The following IPO7 variants were observed in gnomAD, a reference collection of about 807,000 sequenced individuals.
IPO7 encodes the protein importin-7.
A neutral mutation model predicts 136.4 loss-of-function variants in IPO7; 13 were observed. That is an observed-to-expected ratio of 0.10 (90% CI 0.06 to 0.15). The LOEUF (loss-of-function observed/expected upper bound fraction) is 0.15, where lower values mean the gene tolerates loss of function less well. IPO7 is among the 10% of genes least tolerant of loss of function. IPO7 has a pLI of 1.00. For synonymous variants in IPO7, 403 were observed against 404.4 expected, an observed-to-expected ratio of 1.00 and a Z score of 0.04; for missense variants, 857 against 1,240.6, an observed-to-expected ratio of 0.69 and a Z score of 4.65.
chr11:9,442,496 CT>C (rs1329885089), intron 24 of IPO7, among the ~76,000 whole-genome samples: 1 of 152,030 alleles, frequency 6.6e-6, no homozygotes, highest in East Asian at 1.9e-4. Flanking sequence ...TCACTGCAAG[CT>C]CTACCTCCCG....
intron 4 of IPO7, among the ~76,000 whole-genome samples, chr11:9,411,351 G>T (rs773701416): frequency 4.5e-4 from 68 of 152,166 alleles, no homozygotes; most frequent in African/African-American, 1.6e-3. Context: ...AATTTTTGGT[G>T]GTCCTCAGGA....
intron 24 of IPO7, 124 bp from the exon 25 acceptor site, chr11:9,444,973 A>C: frequency 4.6e-6 from 3 of 651,886 alleles, no homozygotes. Context: ...TGGAGAAATC[A>C]TGGATTTTGG....
chr11:9,396,240 A>G (rs1854706849), intron 1 of IPO7, among the ~76,000 whole-genome samples: 1 of 151,942 alleles, frequency 6.6e-6, no homozygotes, highest in Admixed American at 6.6e-5. Context: ...CTAAAAATAC[A>G]AAAATTAGCT....
At chr11:9,401,653 T>C (rs1854798558) in intron 1 of IPO7, among the ~76,000 whole-genome samples, 1 of 152,114 alleles carries the variant, frequency 6.6e-6, no homozygotes, top group Admixed American at 6.5e-5. Flanking sequence ...AGGTCTATAA[T>C]GTAAAATGTG....
At chr11:9,426,007 C>G (rs995798112) in intron 12 of IPO7, among the ~76,000 whole-genome samples, 2 of 152,004 alleles carry the variant, frequency 1.3e-5, no homozygotes, top group African/African-American at 4.8e-5. Context: ...GGTCATGCCA[C>G]TGCACTCCAT....
At chr11:9,400,063 A>G (rs1182287152) in intron 1 of IPO7, among the ~76,000 whole-genome samples, 1 of 152,228 alleles carries the variant, frequency 6.6e-6, no homozygotes, top group Non-Finnish European at 1.5e-5. Flanking sequence ...TATAACCTGT[A>G]CACATCCCCT....
Position 9,422,934 on chromosome 11 carries a change from G to GT in IPO7, c.907-67dup, listed in dbSNP as rs11373508. Reference sequence around the variant, plus strand: ...CTTGTCATTAAAATATGTGTTAACTGTTTTTACTGGCTTGTAAGTGGTTGA... The same window carrying GT: ...CTTGTCATTAAAATATGTGTTAACTGTTTTTTACTGGCTTGTAAGTGGTTGA... On this transcript the variant is annotated intron_variant, in intron 8 of 24. Coordinates refer to ENST00000379719, the MANE Select transcript of IPO7 (RefSeq NM_006391.3). 11,199 of 923,150 alleles carry GT rather than the reference G, an allele frequency of 0.012. 636 individuals are homozygous for GT. The African/African-American group carries it at 0.13, about 11-fold the overall frequency. 57.2% of individuals were successfully genotyped at this position (923,150 alleles called of 1,614,324 possible). A position where few individuals can be genotyped will look rare whatever the true frequency, so the allele number is the denominator to read the frequency against.
intron 1 of IPO7, among the ~76,000 whole-genome samples, chr11:9,396,182 G>C (rs1055970194): frequency 1.3e-5 from 2 of 152,030 alleles, no homozygotes; most frequent in African/African-American, 4.8e-5. Flanking sequence ...GACCACTTGA[G>C]GTCAGGAGTT....
Position 9,446,654 on chromosome 11 carries a change from A to G in IPO7, c.*1460A>G, listed in dbSNP as rs752734790. On this transcript the variant is annotated 3_prime_UTR_variant, in exon 25 of 25. Transcript: ENST00000379719. ...GAAAGCAACATCTTAATGGATTCAA[A>G]ACTATTACAAGCTGTTGTCTAAAAC... The G allele has an allele frequency of 6.6e-6, 1 of 152,222 alleles. No individual in the cohort carries two copies. The highest frequency in any genetic ancestry group is 1.5e-5 in the Non-Finnish European group (1 of 68,034). 9.4% of individuals were successfully genotyped at this position (152,222 alleles called of 1,614,324 possible). A position where few individuals can be genotyped will look rare whatever the true frequency, so the allele number is the denominator to read the frequency against.
rs565228445 is a variant in IPO7, at chr11:9,427,217, A to T, written c.1336-1323A>T. Among the ~76,000 whole-genome samples, 4 of 152,304 alleles carry T rather than the reference A, an allele frequency of 2.6e-5. No homozygotes were observed. The South Asian group carries it at 8.3e-4, about 32-fold the overall frequency. ...GTTGTTAGAAATCTTTACATTCTAAAGCCAGGCACTAAGTACTCACAGAAT... is the reference window on the plus strand; with the variant it reads ...GTTGTTAGAAATCTTTACATTCTAATGCCAGGCACTAAGTACTCACAGAAT... On this transcript the variant is annotated intron_variant, in intron 12 of 24. Coordinates refer to ENST00000379719, the MANE Select transcript of IPO7 (RefSeq NM_006391.3).
chr11:9,397,341 A>AAAAAAAAT lies in IPO7; in HGVS notation c.85-5948_85-5947insAAAAAATA. Among the ~76,000 whole-genome samples the AAAAAAAAT allele has an allele frequency of 4.5e-3, 48 of 10,764 alleles. 7 individuals carry two copies. Among genetic ancestry groups the AAAAAAAAT allele is most frequent in the South Asian group, 0.02 (3 of 152 alleles). 7.1% of individuals were successfully genotyped at this position (10,764 alleles called of 152,430 possible). On this transcript the variant is annotated intron_variant, in intron 1 of 24. Coordinates refer to ENST00000379719, the MANE Select transcript of IPO7 (RefSeq NM_006391.3). ...CTTTACTAAAAATAATTTAAAAAAA[A>AAAAAAAAT]ATATATATATATATATATATATATT... is the stretch of plus-strand genomic sequence containing the variant.
At chr11:9,420,579 A>T (rs567287268) in intron 7 of IPO7, 35 bp from the exon 8 acceptor site, 2 of 1,571,754 alleles carry the variant, frequency 1.3e-6, no homozygotes, top group Non-Finnish European at 1.8e-6. Context: ...ATAAAGCATT[A>T]TAAAGAAACA....
chr11:9,407,904 A>G (rs756281425), intron 2 of IPO7, among the ~76,000 whole-genome samples: 3 of 152,220 alleles, frequency 2.0e-5, no homozygotes, highest in Non-Finnish European at 4.4e-5. Flanking sequence ...TCAAATAGCA[A>G]TGTGCAAAGG....
chr11:9,427,050 A>G (rs12800802), intron 12 of IPO7, among the ~76,000 whole-genome samples: 68,543 of 151,728 alleles, frequency 0.45, 17,893 homozygotes, highest in Non-Finnish European at 0.58. Context: ...GGGTTTTGCC[A>G]TGTTGGCCAG....
chr11:9,420,475 C>T lies in IPO7; in HGVS notation c.791C>T (p.Ala264Val). 1 of 1,611,458 alleles carries T rather than the reference C, an allele frequency of 6.2e-7. No homozygotes were observed. The highest frequency in any genetic ancestry group is 8.5e-7 in the Non-Finnish European group (1 of 1,178,490). Residue 264 changes from alanine (A) to valine (V), a missense_variant, in exon 7 of 25, where the codon GCC becomes GTC. Transcript: ENST00000379719. ...CCATGGTGGAAATGCAAGAAGTGGG[C>T]CTTACATATTTTAGCAAGACTTTTT... Reference protein sequence around the residue: ...ELPWWKCKKWALHILARLFER... With the variant: ...ELPWWKCKKWVLHILARLFER...
intron 1 of IPO7, among the ~76,000 whole-genome samples, chr11:9,396,155 G>A (rs1195796195): frequency 1.3e-5 from 2 of 152,000 alleles, no homozygotes; most frequent in African/African-American, 4.8e-5. Flanking sequence ...CAGCACTTTG[G>A]GAGGCCCAGG....
Position 9,429,216 on chromosome 11 carries a change from C to A in IPO7, c.1591+20C>A. ...AAAAAGGTAAAGGATTTTTGTATGT[C>A]AAGAAAAGTGAATGTTGGCCAGGTG... is the stretch of plus-strand genomic sequence containing the variant. On this transcript the variant is annotated intron_variant, in intron 14 of 24. Coordinates refer to ENST00000379719, the MANE Select transcript of IPO7 (RefSeq NM_006391.3). 1.2e-6 allele frequency: 2 copies of A among 1,603,774 alleles called. No individual in the cohort carries two copies. Among genetic ancestry groups the A allele is most frequent in the South Asian group, 2.2e-5 (2 of 89,838 alleles).
chr11:9,413,207 A>AT (rs1276564340), intron 4 of IPO7, among the ~76,000 whole-genome samples: 1 of 149,610 alleles, frequency 6.7e-6, no homozygotes, highest in African/African-American at 2.5e-5. Flanking sequence ...ATACTTTTTT[A>AT]TTTTTTTTGA....
rs774403443 is a variant in IPO7 at position 9,424,866 on chromosome 11, G to A, written c.1142-48G>A. ...GATTAAGCATGTTTTTTAATGCTTT[G>A]TTGAAGAAATTAATGTTTATTGTCT... On this transcript the variant is annotated intron_variant, in intron 10 of 24. Transcript: ENST00000379719. 4.4e-6 allele frequency: 5 copies of A among 1,138,862 alleles called. No homozygotes were observed. The South Asian group carries it at 6.6e-5, about 15-fold the overall frequency. The allele number at this position is 1,138,862 out of a possible 1,614,324, so 70.5% of individuals were successfully genotyped here. A position where few individuals can be genotyped will look rare whatever the true frequency, so the allele number is the denominator to read the frequency against.
Sources: gnomAD v4.1 joint callset for allele counts (sites outside exome capture counted in the v4.1 genomes callset) on GRCh38, gnomAD v4.1.1 for gene constraint, MANE v1.5 for transcripts, NCBI Gene and HGNC (gene_info 2026-07-23, HGNC 2026-07-21) for gene names.